RAB3GAP1: variants seen among roughly 807,000 people sequenced by gnomAD.
The protein encoded by RAB3GAP1 is RAB3 GTPase activating protein catalytic subunit 1.
Under a neutral mutation model 130.7 loss-of-function variants are expected in RAB3GAP1, and 86 were observed. The observed-to-expected ratio is 0.66, with a 90% confidence interval of 0.55 to 0.79. The LOEUF is 0.79. Ranked by LOEUF, RAB3GAP1 falls within the 30% of genes least tolerant of loss-of-function variation. The probability of loss-of-function intolerance (pLI) is 0.00; values close to 1 mark genes in which losing one functional copy is unlikely to be tolerated. For synonymous variants in RAB3GAP1, 367 were observed against 401.7 expected (o/e 0.91, Z 1.03); for missense variants, 1,029 against 1,169.4 (o/e 0.88, Z 1.75).
intron 7 of RAB3GAP1, among the ~76,000 whole-genome samples, chr2:135,116,661 C>T (rs531256923): frequency 3.3e-5 from 5 of 152,256 alleles, no homozygotes; most frequent in African/African-American, 1.2e-4. Context: ...GTTGTATAGA[C>T]TAATGTCCTT....
At chr2:135,087,589 C>T (rs902159910) in intron 3 of RAB3GAP1, among the ~76,000 whole-genome samples, 1 of 152,048 alleles carries the variant, frequency 6.6e-6, no homozygotes, top group Non-Finnish European at 1.5e-5. Context: ...AGAGTTTTTG[C>T]TCATCTTTCA....
chr2:135,121,801 A>G (rs1691209031), intron 8 of RAB3GAP1, among the ~76,000 whole-genome samples: 1 of 152,222 alleles, frequency 6.6e-6, no homozygotes, highest in African/African-American at 2.4e-5. Flanking sequence ...ATAAAAATTA[A>G]TATAATACAG....
chr2:135,092,597 C>G (rs1054095768), intron 4 of RAB3GAP1, among the ~76,000 whole-genome samples: 1 of 152,096 alleles, frequency 6.6e-6, no homozygotes, highest in Non-Finnish European at 1.5e-5. Context: ...TCACCATACC[C>G]AGTTAATTTT....
At chr2:135,058,303 G>A (rs1223862599) in intron 3 of RAB3GAP1, 2 of 485,118 alleles carry the variant, frequency 4.1e-6, no homozygotes, top group Non-Finnish European at 7.3e-6. Flanking sequence ...ATATATATGT[G>A]TGTGTGTATA....
intron 23 of RAB3GAP1, chr2:135,165,233 A>C (rs564899055): frequency 4.6e-6 from 2 of 438,626 alleles, no homozygotes; most frequent in African/African-American, 4.1e-5. Context: ...CCAGTTTGAA[A>C]AATTATCATA....
At chr2:135,101,014 T>C (rs1690433156) in intron 5 of RAB3GAP1, among the ~76,000 whole-genome samples, 1 of 152,132 alleles carries the variant, frequency 6.6e-6, no homozygotes, top group African/African-American at 2.4e-5. Flanking sequence ...TGAGGCAGAA[T>C]TAGTAGAGGT....
intron 23 of RAB3GAP1, chr2:135,167,644 C>T (rs756162704): frequency 2.1e-6 from 3 of 1,440,254 alleles, no homozygotes; most frequent in Non-Finnish European, 2.8e-6. Context: ...TTTAAACCAT[C>T]TTGCTTGTTT....
intron 3 of RAB3GAP1, among the ~76,000 whole-genome samples, chr2:135,090,691 A>G (rs1690118086): frequency 1.3e-5 from 2 of 152,152 alleles, no homozygotes; most frequent in African/African-American, 2.4e-5. Context: ...AAAAAATGCT[A>G]TATGCTGTAT....
At chr2:135,164,732 C>T (rs773264591) in intron 23 of RAB3GAP1, 36 bp downstream of exon 23, 2 of 1,502,616 alleles carry the variant, frequency 1.3e-6, no homozygotes, top group South Asian at 1.2e-5. Flanking sequence ...ATCATAATCT[C>T]TCCAAACCTC....
At chr2:135,147,744 C>A (rs1692044112) in intron 17 of RAB3GAP1, among the ~76,000 whole-genome samples, 1 of 151,718 alleles carries the variant, frequency 6.6e-6, no homozygotes, top group African/African-American at 2.4e-5. Flanking sequence ...TCCTGAGTAG[C>A]TAGAATTATT....
At chr2:135,125,330 C>T (rs1184801491) in intron 9 of RAB3GAP1, among the ~76,000 whole-genome samples, 1 of 152,156 alleles carries the variant, frequency 6.6e-6, no homozygotes, top group African/African-American at 2.4e-5. Flanking sequence ...TGGTATGTTG[C>T]AAGATCCCCA....
At chr2:135,101,951 T>C (rs1462578566) in intron 5 of RAB3GAP1, among the ~76,000 whole-genome samples, 2 of 152,212 alleles carry the variant, frequency 1.3e-5, no homozygotes, top group Non-Finnish European at 2.9e-5. Context: ...TGGAAATTCA[T>C]GAGCAGAGAT....
chr2:135,111,709 T>G (rs1056136241), intron 5 of RAB3GAP1, among the ~76,000 whole-genome samples: 1 of 152,228 alleles, frequency 6.6e-6, no homozygotes, highest in Non-Finnish European at 1.5e-5. Flanking sequence ...TCTTGTAAAC[T>G]TAACTTTAAA....
At position 135,164,714 on chromosome 2, in the gene RAB3GAP1, T is replaced by A; in HGVS notation, c.2709+18T>A. 2 of 1,553,972 alleles carry A rather than the reference T, an allele frequency of 1.3e-6. No individual in the cohort carries two copies. Among genetic ancestry groups the A allele is most frequent in the Non-Finnish European group, 1.8e-6 (2 of 1,128,272 alleles). On this transcript the variant is annotated intron_variant, in intron 23 of 23. Transcript: ENST00000264158. ...CCCAGAGGGTATGTGAGAGTCATTA[T>A]TGACTCCATCATAATCTCTCCAAAC... is the stretch of plus-strand genomic sequence containing the variant.
chr2:135,163,900 G>C (rs573251987), intron 22 of RAB3GAP1, among the ~76,000 whole-genome samples: 2 of 152,292 alleles, frequency 1.3e-5, no homozygotes, highest in South Asian at 4.1e-4. Context: ...CTTTTGTTAG[G>C]TGAAGTTTTC....
chr2:135,092,737 C>A (rs978192895), intron 4 of RAB3GAP1, among the ~76,000 whole-genome samples: 6 of 152,064 alleles, frequency 3.9e-5, no homozygotes, highest in African/African-American at 1.4e-4. Flanking sequence ...TGTGCCCAGC[C>A]AAAGGTGAAT....
intron 19 of RAB3GAP1, among the ~76,000 whole-genome samples, chr2:135,159,324 C>A (rs1292484777): frequency 1.3e-5 from 2 of 152,210 alleles, no homozygotes; most frequent in African/African-American, 2.4e-5. Flanking sequence ...AGCAGCCCGA[C>A]TGACACTGTC....
chr2:135,173,399 C>T (rs149205941), downstream of RAB3GAP1, among the ~76,000 whole-genome samples: 45 of 151,994 alleles, frequency 3.0e-4, no homozygotes, highest in African/African-American at 9.6e-4. Context: ...GAAAACCAAA[C>T]GTGTGATGTC....
At chr2:135,106,070 GC>G (rs1423336965) in intron 5 of RAB3GAP1, among the ~76,000 whole-genome samples, 3 of 151,600 alleles carry the variant, frequency 2.0e-5, no homozygotes, top group Non-Finnish European at 4.4e-5. Flanking sequence ...GAGCGTCTCG[GC>G]CCGGCAGCCG....
Sources: allele counts gnomAD v4.1 joint callset (sites outside exome capture counted in the v4.1 genomes callset), GRCh38; gene constraint gnomAD v4.1.1; transcripts MANE v1.5; gene names NCBI Gene and HGNC (gene_info 2026-07-23, HGNC 2026-07-21).